The following NBAS variants were observed in gnomAD, a reference collection of about 807,000 sequenced individuals.
NBAS encodes the protein NBAS subunit of NRZ tethering complex.
Under a neutral mutation model 302.5 loss-of-function variants are expected in NBAS, and 219 were observed. The observed-to-expected ratio is 0.72, with a 90% CI of 0.65 to 0.81. NBAS has a LOEUF of 0.81. Ranked by LOEUF, NBAS falls within the 30% of genes least tolerant of loss-of-function variation. NBAS has a pLI of 0.00. For synonymous variants in NBAS, 1,118 were observed against 1,021.6 expected (o/e 1.09, Z -1.80); for missense variants, 2,932 against 2,841.6 (o/e 1.03, Z -0.72).
chr2:15,359,480 G>A (rs1673788976), intron 32 of NBAS, among the ~76,000 whole-genome samples: 1 of 151,982 alleles, frequency 6.6e-6, no homozygotes, highest in Admixed American at 6.6e-5. Flanking sequence ...ATCAGAGTAA[G>A]TTTCTAGAGT....
chr2:15,048,574 C>T, the NBAS span, among the ~76,000 whole-genome samples: 1 of 152,340 alleles, frequency 6.6e-6, no homozygotes, highest in Non-Finnish European at 1.5e-5. Context: ...GTGTGTACTC[C>T]TGCTCCACCC....
the NBAS span, among the ~76,000 whole-genome samples, chr2:14,870,633 G>C: frequency 1.3e-5 from 2 of 151,256 alleles, no homozygotes; most frequent in Non-Finnish European, 2.9e-5. Flanking sequence ...CTATGTCCTA[G>C]GAGTGAAAAA....
intron 12 of NBAS, 132 bp from the exon 13 acceptor site, chr2:15,478,421 T>C: frequency 1.4e-6 from 1 of 712,614 alleles, no homozygotes; most frequent in Non-Finnish European, 2.5e-6. Context: ...CTAATTGAAA[T>C]CTATTTATTG....
At position 15,275,696 on chromosome 2, in the gene NBAS, C is replaced by T; in HGVS notation, c.5512G>A (p.Gly1838Arg). ...AGAGAGCTTGGGGAAAGCATCTGTC[C>T]ATCCTTTTCAGGGATTTTGGGAACA... is the stretch of plus-strand genomic sequence containing the variant. ...KLVPKIPEKD[G>R]QMLSPSSLYT... Residue 1838 changes from glycine to arginine, a missense_variant, in exon 44 of 52, where the codon GGA (glycine) becomes AGA (arginine). By Grantham distance (125) the Gly-to-Arg change is moderately radical. Transcript: ENST00000281513. 1.2e-6 allele frequency: 2 copies of T among 1,614,188 alleles called. No homozygotes were observed. Among genetic ancestry groups the T allele is most frequent in the Non-Finnish European group, 1.7e-6 (2 of 1,180,042 alleles).
At chr2:14,830,349 C>T in the NBAS span, among the ~76,000 whole-genome samples, 1 of 152,100 alleles carries the variant, frequency 6.6e-6, no homozygotes, top group African/African-American at 2.4e-5. Flanking sequence ...CACGTGCCTA[C>T]ACTTAAACAG....
chr2:15,156,479 T>A, the NBAS span, among the ~76,000 whole-genome samples: 1 of 152,192 alleles, frequency 6.6e-6, no homozygotes, highest in Non-Finnish European at 1.5e-5. Context: ...AGTCCCAGAT[T>A]AAGGTGCCAG....
In NBAS at chr2:15,421,618, C is replaced by CA. The variant is rs529379503; in HGVS notation, c.2577+2696dup. ...GAAACATCAATACCTAACATGAAGC[C>CA]AAAAAAAAAAAGCCTCTAAGTGTTT... On this transcript the variant is annotated intron_variant, in intron 23 of 51. Transcript: ENST00000281513. Among the ~76,000 whole-genome samples the CA allele has an allele frequency of 1.2e-3, 154 of 127,440 alleles. 1 individual carries two copies. Among genetic ancestry groups the CA allele is most frequent in the East Asian group, 8.4e-3 (37 of 4,382 alleles). 83.6% of individuals were successfully genotyped at this position (127,440 alleles called of 152,430 possible). A position where few individuals can be genotyped will look rare whatever the true frequency, so the allele number is the denominator to read the frequency against.
At chr2:15,556,863 T>G in intron 2 of NBAS, 44 bp from the exon 3 acceptor site, 2 of 1,444,540 alleles carry the variant, frequency 1.4e-6, no homozygotes, top group Non-Finnish European at 1.9e-6. Context: ...AATCAGCTGT[T>G]AAGAATCATT....
chr2:15,432,835 T>C lies in NBAS; in HGVS notation c.2340-5041A>G, dbSNP rs374294183. 3.9e-5 allele frequency among the ~76,000 whole-genome samples: 6 copies of C among 152,296 alleles called. No homozygotes were observed. In the East Asian group the frequency reaches 9.7e-4, roughly 25 times the overall value. On this transcript the variant is annotated intron_variant, in intron 21 of 51. Transcript: ENST00000281513. ...CAATTAAAAAGCTAGTTATCACTCA[T>C]AACACCAAGTCGAAAAAAAAGCTGT...
At chr2:15,245,644 T>TGGATGGATGGAC (rs1553351366) in intron 44 of NBAS, among the ~76,000 whole-genome samples, 3,016 of 149,070 alleles carry the variant, frequency 0.02, 110 homozygotes, top group African/African-American at 0.069. Flanking sequence ...GATGGATGGA[T>TGGATGGATGGAC]GGACGGACGG....
Position 15,345,758 on chromosome 2 carries a change from C to T in NBAS, c.4179+6234G>A, listed in dbSNP as rs147652952. ...TCATGCTACCTGACTTCAAACTATA[C>T]TACAAGGCTACAGTGACCAAAACAG... On this transcript the variant is annotated intron_variant, in intron 35 of 51. Coordinates refer to ENST00000281513, the MANE Select transcript of NBAS (RefSeq NM_015909.4). Among the ~76,000 whole-genome samples the T allele has an allele frequency of 7.0e-3, 1,065 of 152,248 alleles. 6 individuals are homozygous for T. The highest frequency in any genetic ancestry group is 0.034 in the Middle Eastern group (10 of 294).
At chr2:15,485,458 T>A (rs917825280) in intron 12 of NBAS, among the ~76,000 whole-genome samples, 3 of 152,198 alleles carry the variant, frequency 2.0e-5, no homozygotes, top group Non-Finnish European at 4.4e-5. Flanking sequence ...CTTCCACTTA[T>A]CTTTTTGTTG....
the NBAS span, among the ~76,000 whole-genome samples, chr2:15,126,750 G>A: frequency 1.4e-4 from 22 of 152,134 alleles, no homozygotes; most frequent in Non-Finnish European, 2.6e-4. Context: ...CCATGGCAGG[G>A]CACCAGCAAC....
At chr2:15,135,817 T>A in the NBAS span, among the ~76,000 whole-genome samples, 6 of 150,930 alleles carry the variant, frequency 4.0e-5, no homozygotes, top group African/African-American at 1.2e-4. Flanking sequence ...GAAAAAGAAT[T>A]GTCTTGGGCC....
At chr2:15,314,408 C>A (rs924050127) in intron 38 of NBAS, among the ~76,000 whole-genome samples, 1 of 152,102 alleles carries the variant, frequency 6.6e-6, no homozygotes, top group Non-Finnish European at 1.5e-5. Context: ...TTAAAAGCCA[C>A]TGGATAGTTA....
At chr2:15,419,333 ATATGTGTG>A (rs1228562856) in intron 23 of NBAS, among the ~76,000 whole-genome samples, 5 of 51,494 alleles carry the variant, frequency 9.7e-5, no homozygotes, top group Admixed American at 7.8e-4. Context: ...TCATACATAT[ATATGTGTG>A]TGTGTGTGTG....
At chr2:15,554,952 T>A (rs967176120) in intron 3 of NBAS, among the ~76,000 whole-genome samples, 1 of 151,448 alleles carries the variant, frequency 6.6e-6, no homozygotes, top group African/African-American at 2.4e-5. Flanking sequence ...TCATCATAAG[T>A]GAGTAAGCAG....
chr2:15,108,897 C>G, the NBAS span, among the ~76,000 whole-genome samples: 1 of 152,056 alleles, frequency 6.6e-6, no homozygotes, highest in African/African-American at 2.4e-5. Context: ...GCAATCCAAT[C>G]AATTAAAACC....
At chr2:15,099,348 T>C in the NBAS span, among the ~76,000 whole-genome samples, 4 of 152,064 alleles carry the variant, frequency 2.6e-5, no homozygotes, top group Admixed American at 2.0e-4. Flanking sequence ...TGAGAGGATA[T>C]GATTACAGAT....
Sources: gnomAD v4.1 joint callset for allele counts (sites outside exome capture counted in the v4.1 genomes callset) on GRCh38, gnomAD v4.1.1 for gene constraint, MANE v1.5 for transcripts, NCBI Gene and HGNC (gene_info 2026-07-23, HGNC 2026-07-21) for gene names.